Variants in MEI4 observed in about 807,000 individuals in gnomAD.
MEI4 encodes the protein meiotic double-stranded break formation protein 4.
A neutral mutation model predicts 31.4 loss-of-function variants in MEI4; 27 were observed. The observed-to-expected ratio is 0.86, with a 90% CI of 0.63 to 1.19. MEI4 has a LOEUF of 1.19. Ranked by LOEUF, MEI4 falls within the 50% of genes most tolerant of loss-of-function variation. The probability of loss-of-function intolerance (pLI) is 0.00; values close to 1 mark genes in which losing one functional copy is unlikely to be tolerated. For synonymous variants in MEI4, 122 were observed against 145.4 expected, an observed-to-expected ratio of 0.84 and a Z score of 1.16; for missense variants, 329 against 398.9, an observed-to-expected ratio of 0.82 and a Z score of 1.49.
intron 2 of MEI4, among the ~76,000 whole-genome samples, chr6:77,699,496 G>A (rs1766156400): frequency 1.3e-5 from 2 of 152,160 alleles, no homozygotes. Context: ...CCGGCCCAAA[G>A]TTTCTATCTT....
chr6:77,716,967 A>T (rs926830250), intron 2 of MEI4: 3 of 367,112 alleles, frequency 8.2e-6, no homozygotes, highest in Non-Finnish European at 1.1e-5. Flanking sequence ...TTGCCCCTAC[A>T]CACCTGTGGG....
intron 1 of MEI4, among the ~76,000 whole-genome samples, chr6:77,687,756 T>C (rs1769085030): frequency 6.6e-6 from 1 of 152,006 alleles, no homozygotes; most frequent in Non-Finnish European, 1.5e-5. Context: ...CATAGGGCCA[T>C]GTATGGGGGG....
intron 2 of MEI4, among the ~76,000 whole-genome samples, chr6:77,726,641 G>A (rs145590933): frequency 7.9e-5 from 12 of 152,058 alleles, no homozygotes; most frequent in Admixed American, 6.5e-4. Context: ...TTAAAGGACC[G>A]TGTAATAGGC....
At chr6:77,849,939 T>TTA (rs1302097249) in intron 4 of MEI4, among the ~76,000 whole-genome samples, 1 of 152,212 alleles carries the variant, frequency 6.6e-6, no homozygotes, top group African/African-American at 2.4e-5. Context: ...ACACATCTAA[T>TTA]ATTAAAGTAT....
At chr6:77,722,946 T>C (rs1461761979) in intron 2 of MEI4, among the ~76,000 whole-genome samples, 288 of 126,254 alleles carry the variant, frequency 2.3e-3, no homozygotes, top group African/African-American at 5.9e-3. Context: ...CCTTTCCTGT[T>C]GGATCAGTGC....
chr6:77,832,906 A>G (rs7763248), intron 4 of MEI4, among the ~76,000 whole-genome samples: 48 of 152,234 alleles, frequency 3.2e-4, no homozygotes, highest in African/African-American at 1.1e-3. Context: ...CAAGTTTAAC[A>G]TATTTTTTAT....
chr6:77,733,793 C>G (rs1271436808), intron 2 of MEI4, among the ~76,000 whole-genome samples: 1 of 152,014 alleles, frequency 6.6e-6, no homozygotes, highest in African/African-American at 2.4e-5. Flanking sequence ...CTACACAGTG[C>G]TTTGAATGTG....
chr6:77,782,630 G>A (rs1768623923), intron 3 of MEI4, among the ~76,000 whole-genome samples: 2 of 152,134 alleles, frequency 1.3e-5, no homozygotes, highest in Non-Finnish European at 2.9e-5. Flanking sequence ...TAAGGGGAAA[G>A]AGGATGCAAC....
At chr6:77,868,629 G>A (rs1771119241) in intron 4 of MEI4, among the ~76,000 whole-genome samples, 1 of 150,156 alleles carries the variant, frequency 6.7e-6, no homozygotes, top group African/African-American at 2.4e-5. Flanking sequence ...TTATAAATCT[G>A]TGTTTTTAGA....
chr6:77,728,491 C>G (rs915521531), intron 2 of MEI4, among the ~76,000 whole-genome samples: 7 of 152,104 alleles, frequency 4.6e-5, no homozygotes, highest in African/African-American at 1.7e-4. Flanking sequence ...AGGAACAAGA[C>G]AAAAGTAATA....
At chr6:77,756,252 C>A (rs1311336441) in intron 2 of MEI4, among the ~76,000 whole-genome samples, 1 of 152,064 alleles carries the variant, frequency 6.6e-6, no homozygotes, top group East Asian at 1.9e-4. Flanking sequence ...GATATTATAA[C>A]CCATTAATAC....
In MEI4 at chr6:77,815,951, A is replaced by G. The variant is rs144081586; in HGVS notation, c.769-12980A>G. 8.5e-3 allele frequency among the ~76,000 whole-genome samples: 1,297 copies of G among 152,098 alleles called. 20 individuals are homozygous for G. Among genetic ancestry groups the G allele is most frequent in the African/African-American group, 0.029 (1,197 of 41,542 alleles). On this transcript the variant is annotated intron_variant, in intron 3 of 4. Transcript: ENST00000684080. ...GCAGGGTGCTTATAGGCAGAGGGTTATATGAGTGCTTATAGGCAGAGCCAA... is the reference window on the plus strand; with the variant it reads ...GCAGGGTGCTTATAGGCAGAGGGTTGTATGAGTGCTTATAGGCAGAGCCAA...
At chr6:77,844,161 A>T (rs978031916) in intron 4 of MEI4, among the ~76,000 whole-genome samples, 1 of 152,166 alleles carries the variant, frequency 6.6e-6, no homozygotes, top group African/African-American at 2.4e-5. Context: ...ATGCTGACAT[A>T]GGCCTAATGT....
chr6:77,690,216 AT>A (rs1332102305), intron 1 of MEI4, among the ~76,000 whole-genome samples: 1 of 151,974 alleles, frequency 6.6e-6, no homozygotes, highest in Non-Finnish European at 1.5e-5. Flanking sequence ...AAGGACTTAA[AT>A]TTATAAATAG....
chr6:77,862,126 A>G (rs1005685345), intron 4 of MEI4, among the ~76,000 whole-genome samples: 11 of 151,844 alleles, frequency 7.2e-5, no homozygotes, highest in African/African-American at 2.7e-4. Flanking sequence ...TCCAGTCTAC[A>G]GCTCCCAACG....
At chr6:77,763,237 G>A (rs1768084016) in intron 3 of MEI4, among the ~76,000 whole-genome samples, 1 of 152,034 alleles carries the variant, frequency 6.6e-6, no homozygotes, top group African/African-American at 2.4e-5. Context: ...GATGGACCAA[G>A]TCTTGGAGGT....
chr6:77,723,067 C>T lies in MEI4; in HGVS notation c.232+32164C>T, dbSNP rs1187284874. ...ACTGGCACTCCAAGGAACTGAAGAGCTAATAACCAACTGAATTTCGCCTTT... is the reference window on the plus strand; with the variant it reads ...ACTGGCACTCCAAGGAACTGAAGAGTTAATAACCAACTGAATTTCGCCTTT... On this transcript the variant is annotated intron_variant, in intron 2 of 4. Transcript: ENST00000684080. Among the ~76,000 whole-genome samples, 11 of 143,640 alleles carry T rather than the reference C, an allele frequency of 7.7e-5. 2 individuals carry two copies. Among genetic ancestry groups the T allele is most frequent in the Non-Finnish European group, 3.1e-5 (2 of 65,386 alleles). 94.2% of individuals were successfully genotyped at this position (143,640 alleles called of 152,430 possible).
intron 4 of MEI4, among the ~76,000 whole-genome samples, chr6:77,882,318 A>G (rs1771508767): frequency 6.6e-6 from 1 of 152,240 alleles, no homozygotes; most frequent in Non-Finnish European, 1.5e-5. Context: ...TTAAATAGCC[A>G]TGATTGATTG....
intron 4 of MEI4, among the ~76,000 whole-genome samples, chr6:77,835,376 AC>A (rs1396837692): frequency 4.8e-5 from 2 of 41,930 alleles, no homozygotes; most frequent in African/African-American, 3.5e-4. Flanking sequence ...AAAACAAAAC[AC>A]ACACACACAC....
Sources: gnomAD v4.1 joint callset for allele counts (sites outside exome capture counted in the v4.1 genomes callset) on GRCh38, gnomAD v4.1.1 for gene constraint, MANE v1.5 for transcripts, NCBI Gene and HGNC (gene_info 2026-07-23, HGNC 2026-07-21) for gene names.